The following CDC42BPA variants were observed in gnomAD, a reference collection of about 807,000 sequenced individuals.
The protein encoded by CDC42BPA is CDC42 binding protein kinase alpha.
A neutral mutation model predicts 223.5 loss-of-function variants in CDC42BPA; 80 were observed. The ratio of observed to expected loss-of-function variants is 0.36; its 90% CI spans 0.30 to 0.43. CDC42BPA has a LOEUF of 0.43. CDC42BPA is among the 20% of genes least tolerant of loss of function. The pLI, the probability that CDC42BPA is intolerant of heterozygous loss-of-function variation, is 1.00. For missense variants in CDC42BPA, 1,743 were observed against 2,099.9 expected, an observed-to-expected ratio of 0.83 and a Z score of 3.32; for synonymous variants, 694 against 718.6, an observed-to-expected ratio of 0.97 and a Z score of 0.55.
intron 6 of CDC42BPA, among the ~76,000 whole-genome samples, chr1:227,152,546 T>C (rs999032045): frequency 3.3e-5 from 5 of 152,126 alleles, no homozygotes; most frequent in African/African-American, 9.7e-5. Flanking sequence ...CTAAAATACT[T>C]AGAAATGTAA....
At chr1:227,112,947 T>C (rs1288196044) in intron 12 of CDC42BPA, 34 bp from the exon 13 acceptor site, 1 of 1,602,440 alleles carries the variant, frequency 6.2e-7, no homozygotes, top group African/African-American at 1.3e-5. Flanking sequence ...AAGTTACCAA[T>C]TCTGCAACCT....
At chr1:227,064,613 G>T (rs1011726273) in intron 21 of CDC42BPA, among the ~76,000 whole-genome samples, 1 of 152,016 alleles carries the variant, frequency 6.6e-6, no homozygotes, top group African/African-American at 2.4e-5. Flanking sequence ...AAAGAGGCTG[G>T]GGCTAACATG....
chr1:227,059,540 A>C, intron 21 of CDC42BPA: 1 of 794,532 alleles, frequency 1.3e-6, no homozygotes, highest in East Asian at 2.7e-5. Flanking sequence ...GGATAGGTTG[A>C]ATGTACATGT....
chr1:227,026,152 C>T lies in CDC42BPA; in HGVS notation c.4433G>A (p.Cys1478Tyr). 6.4e-7 allele frequency: 1 copy of T among 1,567,792 alleles called. No individual in the cohort carries two copies. The highest frequency in any genetic ancestry group is 8.7e-7 in the Non-Finnish European group (1 of 1,149,756). ...CACCGAGAGATATGGTGCATTGTAA[C>T]CTGGGAGAAGGGAAGGGGGGGCAGC... ...LMWPANPSSC[C>Y]YNAPYLSVYS... is the part of the protein sequence containing the mutation. Residue 1478 changes from cysteine to tyrosine, a missense_variant and splice_region_variant, in exon 31 of 37, where the codon TGT becomes TAT. By Grantham distance (194) the Cys-to-Tyr change is radical. Around this residue, in one of 6 missense-constraint regions of CDC42BPA, gnomAD observed 678 missense variants for 777.5 expected, o/e 0.87. Coordinates refer to ENST00000366766, the MANE Select transcript of CDC42BPA (RefSeq NM_001394014.1).
At chr1:226,999,284 C>T (rs1662288172) in intron 35 of CDC42BPA, among the ~76,000 whole-genome samples, 3 of 151,798 alleles carry the variant, frequency 2.0e-5, no homozygotes, top group Admixed American at 1.3e-4. Context: ...TCACGCCATT[C>T]TCCTGCCTCA....
chr1:227,291,493 G>A (rs115052889), intron 1 of CDC42BPA, among the ~76,000 whole-genome samples: 1 of 152,134 alleles, frequency 6.6e-6, no homozygotes, highest in Non-Finnish European at 1.5e-5. Flanking sequence ...AGGTTGTAGT[G>A]AGCCAAAGTC....
At chr1:227,203,608 G>T (rs1206651888) in intron 3 of CDC42BPA, among the ~76,000 whole-genome samples, 1 of 151,906 alleles carries the variant, frequency 6.6e-6, no homozygotes, top group Non-Finnish European at 1.5e-5. Context: ...CAGAATATTT[G>T]ATATCTAAGA....
intron 11 of CDC42BPA, among the ~76,000 whole-genome samples, chr1:227,123,637 C>G (rs1372905584): frequency 1.3e-5 from 2 of 152,138 alleles, no homozygotes; most frequent in African/African-American, 4.8e-5. Flanking sequence ...CAAAGTGGAA[C>G]ACTATAAACT....
At chr1:227,283,558 T>C (rs2148591520) in intron 1 of CDC42BPA, among the ~76,000 whole-genome samples, 2 of 152,124 alleles carry the variant, frequency 1.3e-5, no homozygotes, top group Admixed American at 1.3e-4. Context: ...GCTTTATAAG[T>C]GGGAGCTAAA....
chr1:227,179,793 A>G (rs1382621588), intron 5 of CDC42BPA, among the ~76,000 whole-genome samples: 1 of 146,890 alleles, frequency 6.8e-6, no homozygotes, highest in African/African-American at 2.5e-5. Context: ...AAAAAAAAAA[A>G]GTCTTAAGAA....
chr1:227,163,648 T>A (rs1309829345), intron 5 of CDC42BPA, among the ~76,000 whole-genome samples: 2 of 151,970 alleles, frequency 1.3e-5, no homozygotes, highest in Non-Finnish European at 2.9e-5. Context: ...TTACTCGAAC[T>A]TAGTTCTTCA....
chr1:227,013,700 T>TG (rs1665656728), intron 34 of CDC42BPA, among the ~76,000 whole-genome samples: 2 of 152,232 alleles, frequency 1.3e-5, no homozygotes, highest in South Asian at 4.1e-4. Flanking sequence ...GATAAAAACA[T>TG]TCTTTTCTGT....
intron 20 of CDC42BPA, 119 bp downstream of exon 20, chr1:227,072,089 T>A: frequency 1.7e-6 from 1 of 583,750 alleles, no homozygotes; most frequent in Non-Finnish European, 3.0e-6. Context: ...CATAAATGAG[T>A]GCCAGAATTG....
intron 34 of CDC42BPA, among the ~76,000 whole-genome samples, chr1:227,013,965 A>T (rs1046096771): frequency 1.3e-5 from 2 of 152,130 alleles, no homozygotes; most frequent in African/African-American, 4.8e-5. Flanking sequence ...ATATATTCAC[A>T]TTTCAATTGT....
At chr1:227,107,143 G>C (rs940498723) in intron 14 of CDC42BPA, among the ~76,000 whole-genome samples, 2 of 152,172 alleles carry the variant, frequency 1.3e-5, no homozygotes, top group African/African-American at 4.8e-5. Context: ...TTAGGTAGTA[G>C]TACTGCATCT....
At position 227,314,300 on chromosome 1, in the gene CDC42BPA, AT is replaced by A. The variant is rs1458305499; in HGVS notation, c.178+2704del. On this transcript the variant is annotated intron_variant, in intron 1 of 36. Coordinates refer to ENST00000366766, the MANE Select transcript of CDC42BPA (RefSeq NM_001394014.1). The stretch of plus-strand genomic sequence containing the variant: ...AAATACTATTTACTATAAATGAAAA[AT>A]AATACATCTTATTAAATTTAAATGT... 4.6e-5 allele frequency among the ~76,000 whole-genome samples: 7 copies of A among 152,246 alleles called. No homozygotes were observed. In the East Asian group the frequency reaches 1.3e-3, roughly 29 times the overall value.
In CDC42BPA at chr1:227,031,354, T is replaced by G. The variant is rs1669248981; in HGVS notation, c.3719A>C (p.Glu1240Ala). 1 of 1,614,136 alleles carries G rather than the reference T, an allele frequency of 6.2e-7. No homozygotes were observed. The highest frequency in any genetic ancestry group is 8.5e-7 in the Non-Finnish European group (1 of 1,180,012). ...GAGGGGTAGAGTGCTGTCATAAGCCTCTTTGGGAACATAGACTGAGCGGTC... is the reference window on the plus strand; with the variant it reads ...GAGGGGTAGAGTGCTGTCATAAGCCGCTTTGGGAACATAGACTGAGCGGTC... ...FRDRSVYVPK[E>A]AYDSTLPLIK... The change falls in exon 28 of 37, where the codon GAG becomes GCG. Residue 1240 changes from glutamate (E) to alanine (A), a missense_variant. Coordinates refer to ENST00000366766, the MANE Select transcript of CDC42BPA (RefSeq NM_001394014.1).
chr1:227,157,190 T>C (rs1419664626), intron 6 of CDC42BPA, among the ~76,000 whole-genome samples: 1 of 152,234 alleles, frequency 6.6e-6, no homozygotes, highest in Non-Finnish European at 1.5e-5. Context: ...ATAGACATTT[T>C]ATTTACCCAC....
In CDC42BPA at chr1:227,047,998, T is replaced by C. The variant is rs1672797051; in HGVS notation, c.3022A>G (p.Thr1008Ala). 6 of 1,608,286 alleles carry C rather than the reference T, an allele frequency of 3.7e-6. No individual in the cohort carries two copies. Among genetic ancestry groups the C allele is most frequent in the Non-Finnish European group, 5.1e-6 (6 of 1,175,608 alleles). Residue 1008 changes from threonine to alanine, a missense_variant, in exon 23 of 37, where the codon ACT becomes GCT. Physicochemically the swap from Thr to Ala is moderately conservative, Grantham distance 58. This residue lies in a region of CDC42BPA where 678 missense variants were observed against 777.5 expected (regional missense o/e 0.87). Transcript: ENST00000366766. Reference protein sequence around the residue: ...EAEPVKTVDSTPLSVHTPTLR... With the variant: ...EAEPVKTVDSAPLSVHTPTLR... ...GTTGGTGTGTGAACTGAAAGTGGAGTGGAGTCTACAGTCTGAACCCAGGAG... is the reference window on the plus strand; with the variant it reads ...GTTGGTGTGTGAACTGAAAGTGGAGCGGAGTCTACAGTCTGAACCCAGGAG...
Sources: gnomAD v4.1 joint callset for allele counts (sites outside exome capture counted in the v4.1 genomes callset) on GRCh38, gnomAD v4.1.1 for gene constraint, gnomAD v4.1.1 regional missense constraint, MANE v1.5 for transcripts, NCBI Gene and HGNC (gene_info 2026-07-23, HGNC 2026-07-21) for gene names.